Variants in TLE1 observed in about 807,000 individuals in gnomAD.
TLE1 encodes transducin-like enhancer protein 1.
Under a neutral mutation model 89.8 loss-of-function variants are expected in TLE1, and 21 were observed. That is an observed-to-expected ratio of 0.23 (90% CI 0.17 to 0.34). The LOEUF is 0.34. TLE1 is among the 10% of genes least tolerant of loss of function. The pLI is 1.00. For missense variants in TLE1, 795 were observed against 1,031.2 expected, an observed-to-expected ratio of 0.77 and a Z score of 3.14; for synonymous variants, 447 against 407.6, an observed-to-expected ratio of 1.10 and a Z score of -1.16.
chr9:81,679,315 T>C (rs2133084596), intron 4 of TLE1, among the ~76,000 whole-genome samples: 1 of 152,214 alleles, frequency 6.6e-6, no homozygotes, highest in Non-Finnish European at 1.5e-5. Flanking sequence ...TTTTTTTTCT[T>C]TTTTTTTCCC....
chr9:81,616,207 C>T lies in TLE1; in HGVS notation c.766-73G>A. 2.6e-6 allele frequency: 4 copies of T among 1,529,922 alleles called. No homozygotes were observed. The South Asian group carries it at 3.9e-5, about 15-fold the overall frequency. The allele number at this position is 1,529,922 out of a possible 1,614,324, so 94.8% of individuals were successfully genotyped here. On this transcript the variant is annotated intron_variant, in intron 10 of 19. Transcript: ENST00000376499. Reference sequence around the variant, plus strand: ...AGACTTTTCCCTTTCCACACTCATTCTCTAAATTTAAGGACAGAGCTGAAA... The same window carrying T: ...AGACTTTTCCCTTTCCACACTCATTTTCTAAATTTAAGGACAGAGCTGAAA...
At chr9:81,615,922 C>T (rs1824446555) in intron 11 of TLE1, 60 bp downstream of exon 11, 2 of 1,602,366 alleles carry the variant, frequency 1.2e-6, no homozygotes, top group Admixed American at 3.4e-5. Flanking sequence ...CTTCAGAGTC[C>T]TCCAGTCCAC....
chr9:81,687,717 G>C (rs1564092977), intron 1 of TLE1, among the ~76,000 whole-genome samples: 1 of 152,032 alleles, frequency 6.6e-6, no homozygotes, highest in Non-Finnish European at 1.5e-5. Context: ...CTCCCCGGCG[G>C]CCAGGGAAGA....
intron 4 of TLE1, among the ~76,000 whole-genome samples, chr9:81,682,633 G>A (rs953982127): frequency 1.3e-5 from 2 of 152,090 alleles, no homozygotes; most frequent in South Asian, 2.1e-4. Flanking sequence ...AACATTTAAA[G>A]ATCACGCCAC....
At chr9:81,619,018 C>T (rs1256933499) in intron 9 of TLE1, among the ~76,000 whole-genome samples, 2 of 152,300 alleles carry the variant, frequency 1.3e-5, no homozygotes, top group Non-Finnish European at 2.9e-5. Context: ...ACTACCACGG[C>T]AAGCTTTATG....
intron 17 of TLE1, 87 bp downstream of exon 17, chr9:81,587,594 C>G: frequency 6.9e-7 from 1 of 1,458,620 alleles, no homozygotes; most frequent in Non-Finnish European, 9.0e-7. Context: ...CACTACCATC[C>G]TAGGGTAAAG....
chr9:81,612,003 C>T, intron 12 of TLE1, 44 bp from the exon 13 acceptor site: 1 of 1,373,456 alleles, frequency 7.3e-7, no homozygotes, highest in Non-Finnish European at 9.5e-7. Flanking sequence ...TGACCCACTC[C>T]ATCAAACCTG....
chr9:81,667,636 G>A (rs902183382), intron 4 of TLE1, among the ~76,000 whole-genome samples: 1 of 151,966 alleles, frequency 6.6e-6, no homozygotes, highest in Admixed American at 6.6e-5. Flanking sequence ...TTTGATATAT[G>A]TATCAAAGCC....
intron 4 of TLE1, among the ~76,000 whole-genome samples, chr9:81,664,165 A>G (rs2796446): frequency 0.2 from 29,938 of 151,822 alleles, 3,476 homozygotes; most frequent in South Asian, 0.43. Context: ...GCTCATGCCT[A>G]TAATCCCACC....
chr9:81,664,436 A>G (rs1393943395), intron 4 of TLE1, among the ~76,000 whole-genome samples: 1 of 152,320 alleles, frequency 6.6e-6, no homozygotes, highest in South Asian at 2.1e-4. Context: ...CTCCCATCAC[A>G]GTGCCTTGCT....
chr9:81,628,792 C>T (rs1418295546), intron 8 of TLE1, among the ~76,000 whole-genome samples: 3 of 152,136 alleles, frequency 2.0e-5, no homozygotes, highest in Admixed American at 2.0e-4. Flanking sequence ...CACCCAGCCT[C>T]CTTGATAAAA....
intron 8 of TLE1, among the ~76,000 whole-genome samples, chr9:81,627,086 A>C (rs2132266553): frequency 6.6e-6 from 1 of 152,278 alleles, no homozygotes; most frequent in Admixed American, 6.5e-5. Flanking sequence ...CTAAAAAGCC[A>C]TTAGGTCAGG....
At chr9:81,616,725 T>C (rs768644506) in intron 9 of TLE1, 26 bp from the exon 10 acceptor site, 3 of 1,613,586 alleles carry the variant, frequency 1.9e-6, no homozygotes, top group Non-Finnish European at 2.5e-6. Context: ...ATTAACGCCA[T>C]TTACTAAAAG....
intron 4 of TLE1, among the ~76,000 whole-genome samples, chr9:81,681,551 CA>C (rs35808742): frequency 1.3e-3 from 164 of 128,066 alleles, no homozygotes; most frequent in Middle Eastern, 4.0e-3. Flanking sequence ...TTCCGTCGCG[CA>C]AAAAAAAAAA....
chr9:81,658,789 T>C (rs1480605336), intron 4 of TLE1, among the ~76,000 whole-genome samples: 1 of 152,244 alleles, frequency 6.6e-6, no homozygotes, highest in African/African-American at 2.4e-5. Flanking sequence ...GCATACAAAC[T>C]GGCAATAATT....
At chr9:81,658,293 A>G (rs1046955571) in intron 4 of TLE1, among the ~76,000 whole-genome samples, 5 of 152,144 alleles carry the variant, frequency 3.3e-5, no homozygotes, top group Non-Finnish European at 7.4e-5. Flanking sequence ...CCACAGATAC[A>G]AAGGGCCGAC....
chr9:81,687,653 T>C (rs551338336), intron 1 of TLE1, among the ~76,000 whole-genome samples: 33 of 151,816 alleles, frequency 2.2e-4, no homozygotes, highest in African/African-American at 7.0e-4. Flanking sequence ...CTTCCCAGTC[T>C]CCAGGGCGGA....
chr9:81,623,235 A>G (rs1825498928), intron 8 of TLE1, among the ~76,000 whole-genome samples: 1 of 151,584 alleles, frequency 6.6e-6, no homozygotes, highest in African/African-American at 2.4e-5. Context: ...CTCCTCGTGC[A>G]CTCCCTACTG....
chr9:81,639,573 T>C (rs1425623514), intron 6 of TLE1, among the ~76,000 whole-genome samples: 1 of 149,808 alleles, frequency 6.7e-6, no homozygotes, highest in African/African-American at 2.5e-5. Context: ...TTAGTAAAAG[T>C]TGTTTTTTTT....
Sources: gnomAD v4.1 joint callset for allele counts (sites outside exome capture counted in the v4.1 genomes callset) on GRCh38, gnomAD v4.1.1 for gene constraint, MANE v1.5 for transcripts, NCBI Gene and HGNC (gene_info 2026-07-23, HGNC 2026-07-21) for gene names.